The following DOCK8 variants were observed in gnomAD, a reference collection of about 807,000 sequenced individuals.
DOCK8 encodes the protein dedicator of cytokinesis protein 8.
A neutral mutation model predicts 245.6 loss-of-function variants in DOCK8; 141 were observed. The observed-to-expected ratio is 0.57, with a 90% CI of 0.50 to 0.66. DOCK8 has a LOEUF of 0.66. DOCK8 is among the 30% of genes least tolerant of loss of function. The probability of loss-of-function intolerance (pLI) is 0.00; values close to 1 mark genes in which losing one functional copy is unlikely to be tolerated. For missense variants in DOCK8, 2,965 were observed against 2,603.4 expected (o/e 1.14, Z -3.02); for synonymous variants, 1,168 against 970.2 (o/e 1.20, Z -3.79).
intron 24 of DOCK8, among the ~76,000 whole-genome samples, chr9:391,075 C>G (rs1465880929): frequency 1.3e-5 from 2 of 152,168 alleles, no homozygotes; most frequent in East Asian, 1.9e-4. Context: ...GCCACATGGT[C>G]CTCTTTTGGT....
intron 35 of DOCK8, 61 bp downstream of exon 35, chr9:428,557 A>G (rs1462281042): frequency 6.3e-7 from 1 of 1,599,360 alleles, no homozygotes; most frequent in Non-Finnish European, 8.6e-7. Flanking sequence ...ATCTAGCTTC[A>G]TACTTCTCTC....
At chr9:289,213 A>G (rs2048940782) in intron 3 of DOCK8, among the ~76,000 whole-genome samples, 1 of 152,260 alleles carries the variant, frequency 6.6e-6, no homozygotes, top group African/African-American at 2.4e-5. Flanking sequence ...ATTCGAATAC[A>G]GCTAGTTCTA....
Position 465,143 on chromosome 9 carries a change from A to G in DOCK8, c.*924A>G, listed in dbSNP as rs577656190. On this transcript the variant is annotated 3_prime_UTR_variant, in exon 48 of 48. Coordinates refer to ENST00000432829, the MANE Select transcript of DOCK8 (RefSeq NM_203447.4). ...ATTCAACTTTGACTTCTTTTGACAA[A>G]GGACTTTAGGAAAAAGAGGAACAAA... The G allele has an allele frequency of 4.3e-4, 65 of 152,800 alleles. No homozygotes were observed. Among genetic ancestry groups the G allele is most frequent in the African/African-American group, 1.5e-3 (63 of 41,590 alleles). The allele number at this position is 152,800 out of a possible 1,614,324, so 9.5% of individuals were successfully genotyped here. A position where few individuals can be genotyped will look rare whatever the true frequency, so the allele number is the denominator to read the frequency against.
At position 317,864 on chromosome 9, in the gene DOCK8, A is replaced by T. The variant is rs999442198; in HGVS notation, c.827+736A>T. 4.6e-5 allele frequency among the ~76,000 whole-genome samples: 7 copies of T among 152,232 alleles called. No individual in the cohort carries two copies. In the South Asian group the frequency reaches 1.5e-3, roughly 32 times the overall value. ...ATATGTTCTCATTCCCTTTATAAAC[A>T]CCATATAATTAAAACACGACTACAG... On this transcript the variant is annotated intron_variant, in intron 7 of 47. Coordinates refer to ENST00000432829, the MANE Select transcript of DOCK8 (RefSeq NM_203447.4).
At chr9:340,060 T>G in intron 13 of DOCK8, 99 bp from the exon 14 acceptor site, 1 of 1,406,972 alleles carries the variant, frequency 7.1e-7, no homozygotes, top group Non-Finnish European at 9.9e-7. Context: ...CTATAGTTTG[T>G]TCTTATTTTC....
chr9:276,535 T>C (rs2048354117), intron 2 of DOCK8, among the ~76,000 whole-genome samples: 2 of 152,188 alleles, frequency 1.3e-5, no homozygotes, highest in Admixed American at 6.5e-5. Context: ...GGATCCATCA[T>C]TTGAAGTTGG....
At chr9:376,527 G>T (rs927904375) in intron 19 of DOCK8, among the ~76,000 whole-genome samples, 1 of 152,214 alleles carries the variant, frequency 6.6e-6, no homozygotes, top group African/African-American at 2.4e-5. Context: ...CCTAGTATCT[G>T]CACTGTTGGT....
intron 1 of DOCK8, among the ~76,000 whole-genome samples, chr9:242,600 A>T (rs1023560718): frequency 3.9e-5 from 6 of 152,180 alleles, no homozygotes; most frequent in Non-Finnish European, 5.9e-5. Flanking sequence ...TTATTCTCCC[A>T]AGGATGCAGA....
intron 9 of DOCK8, among the ~76,000 whole-genome samples, chr9:331,122 A>G (rs1440277839): frequency 6.6e-6 from 1 of 152,182 alleles, no homozygotes; most frequent in Non-Finnish European, 1.5e-5. Flanking sequence ...AATTTGTTCT[A>G]CAAGCTCCTG....
intron 26 of DOCK8, among the ~76,000 whole-genome samples, chr9:402,192 T>A (rs1218777906): frequency 6.6e-6 from 1 of 152,242 alleles, no homozygotes; most frequent in East Asian, 1.9e-4. Flanking sequence ...CTCATGTTTT[T>A]ATTTTCTCTT....
At chr9:389,043 G>A (rs10814631) in intron 23 of DOCK8, among the ~76,000 whole-genome samples, 42,728 of 151,952 alleles carry the variant, frequency 0.28, 6,217 homozygotes, top group African/African-American at 0.33. Context: ...TCCAGGTTTT[G>A]TGGGCATAAG....
intron 1 of DOCK8, chr9:220,784 C>A: frequency 1.1e-5 from 4 of 372,814 alleles, no homozygotes; most frequent in East Asian, 9.9e-5. Context: ...ACAGTGGGGC[C>A]ATCTCGGCTC....
intron 42 of DOCK8, among the ~76,000 whole-genome samples, chr9:442,995 A>G (rs763222521): frequency 3.9e-5 from 6 of 152,232 alleles, no homozygotes; most frequent in Non-Finnish European, 7.3e-5. Context: ...AAAAAGAGCT[A>G]GCAATTGACC....
chr9:243,788 A>T (rs992082401), intron 1 of DOCK8, among the ~76,000 whole-genome samples: 1 of 151,810 alleles, frequency 6.6e-6, no homozygotes, highest in African/African-American at 2.4e-5. Flanking sequence ...AATGAAAGGG[A>T]CTCTTTGACC....
chr9:310,284 A>G (rs924743981), intron 5 of DOCK8, among the ~76,000 whole-genome samples: 2 of 150,794 alleles, frequency 1.3e-5, no homozygotes, highest in African/African-American at 4.9e-5. Context: ...AAAAAAATCC[A>G]ATCTTTCCTA....
intron 2 of DOCK8, among the ~76,000 whole-genome samples, chr9:276,677 AT>A (rs2048359961): frequency 6.6e-6 from 1 of 152,190 alleles, no homozygotes; most frequent in South Asian, 2.1e-4. Flanking sequence ...TGGCTTTGGC[AT>A]TCTCTATTGC....
At chr9:316,951 G>C in intron 6 of DOCK8, 92 bp from the exon 7 acceptor site, 7 of 1,001,808 alleles carry the variant, frequency 7.0e-6, no homozygotes, top group South Asian at 6.5e-5. Context: ...AACTTGAGCC[G>C]TGGAGGGTAG....
chr9:308,465 T>A (rs2049945375), intron 5 of DOCK8, among the ~76,000 whole-genome samples: 1 of 152,230 alleles, frequency 6.6e-6, no homozygotes, highest in African/African-American at 2.4e-5. Flanking sequence ...TCCACTCTCA[T>A]TCTTGTGCAC....
chr9:411,342 G>A (rs1360960442), intron 28 of DOCK8, among the ~76,000 whole-genome samples: 1 of 152,074 alleles, frequency 6.6e-6, no homozygotes, highest in African/African-American at 2.4e-5. Context: ...GAGACTGGAA[G>A]GCAGAGGTTG....
Sources: allele counts gnomAD v4.1 joint callset (sites outside exome capture counted in the v4.1 genomes callset), GRCh38; gene constraint gnomAD v4.1.1; transcripts MANE v1.5; gene names NCBI Gene and HGNC (gene_info 2026-07-23, HGNC 2026-07-21).